Variants in DLG2 observed in about 807,000 individuals in gnomAD.
The protein encoded by DLG2 is discs large MAGUK scaffold protein 2, also known as disks large homolog 2.
DLG2 carries 45 observed loss-of-function variants against 132.5 expected under a neutral mutation model. The observed-to-expected ratio is 0.34, with a 90% CI of 0.27 to 0.44. The LOEUF (loss-of-function observed/expected upper bound fraction) is 0.44. DLG2 is among the 20% of genes least tolerant of loss of function. The probability of loss-of-function intolerance (pLI) is 1.00; values close to 1 mark genes in which losing one functional copy is unlikely to be tolerated. For synonymous variants in DLG2, 424 were observed against 419.6 expected (o/e 1.01, Z -0.13); for missense variants, 1,045 against 1,196.9 (o/e 0.87, Z 1.87).
At chr11:84,086,500 T>A (rs1264400813) in intron 10 of DLG2, among the ~76,000 whole-genome samples, 1 of 150,440 alleles carries the variant, frequency 6.6e-6, no homozygotes, top group Non-Finnish European at 1.5e-5. Context: ...TCTTTTTTTT[T>A]TTTTTTTGAG....
At chr11:83,823,933 A>T (rs1257649721) in intron 17 of DLG2, among the ~76,000 whole-genome samples, 1 of 152,160 alleles carries the variant, frequency 6.6e-6, no homozygotes, top group Non-Finnish European at 1.5e-5. Flanking sequence ...GACATAAGTA[A>T]ACTGCCAAAT....
intron 6 of DLG2, among the ~76,000 whole-genome samples, chr11:85,012,504 A>G (rs1421687931): frequency 6.6e-6 from 1 of 152,026 alleles, no homozygotes; most frequent in Non-Finnish European, 1.5e-5. Context: ...AGCCTAGGCA[A>G]TAAGAGCAAA....
chr11:84,673,203 G>T (rs2099707784), intron 6 of DLG2, among the ~76,000 whole-genome samples: 1 of 152,040 alleles, frequency 6.6e-6, no homozygotes, highest in African/African-American at 2.4e-5. Flanking sequence ...ATAATAGACA[G>T]GGAGGAAGAA....
intron 19 of DLG2, among the ~76,000 whole-genome samples, chr11:83,565,329 C>T (rs1020571441): frequency 2.6e-5 from 4 of 152,158 alleles, no homozygotes; most frequent in African/African-American, 7.2e-5. Flanking sequence ...TTCTCTTCTT[C>T]CTACTTCACT....
At chr11:84,301,334 ATC>A (rs1457061098) in intron 7 of DLG2, among the ~76,000 whole-genome samples, 1 of 152,158 alleles carries the variant, frequency 6.6e-6, no homozygotes, top group Non-Finnish European at 1.5e-5. Context: ...ATGAGATACC[ATC>A]TCATGCCAGA....
intron 6 of DLG2, among the ~76,000 whole-genome samples, chr11:84,855,011 T>C (rs1213729634): frequency 3.3e-5 from 5 of 151,974 alleles, no homozygotes; most frequent in East Asian, 1.9e-4. Flanking sequence ...CAGGAAATAA[T>C]AGTTGGTTGA....
chr11:83,809,194 T>C (rs2046656128), intron 17 of DLG2, among the ~76,000 whole-genome samples: 1 of 152,190 alleles, frequency 6.6e-6, no homozygotes, highest in South Asian at 2.1e-4. Flanking sequence ...GTCTCATAAT[T>C]AGACTTATAA....
intron 14 of DLG2, among the ~76,000 whole-genome samples, chr11:83,934,653 GAGT>G (rs2081067236): frequency 6.6e-6 from 1 of 152,098 alleles, no homozygotes; most frequent in Admixed American, 6.5e-5. Flanking sequence ...ACACTTTATT[GAGT>G]TTTCTAACTC....
At chr11:84,651,335 ATCTT>A (rs1045374624) in intron 6 of DLG2, among the ~76,000 whole-genome samples, 1 of 152,116 alleles carries the variant, frequency 6.6e-6, no homozygotes, top group African/African-American at 2.4e-5. Context: ...GTCTTAGAAA[ATCTT>A]AGCCTTTTCC....
intron 11 of DLG2, among the ~76,000 whole-genome samples, chr11:84,046,687 T>A (rs1279920487): frequency 6.6e-6 from 1 of 151,652 alleles, no homozygotes; most frequent in Admixed American, 6.6e-5. Flanking sequence ...TTGCCTAATA[T>A]CAACCTTTAT....
intron 3 of DLG2, among the ~76,000 whole-genome samples, chr11:85,396,996 A>C (rs558438130): frequency 5.9e-5 from 9 of 152,306 alleles, no homozygotes; most frequent in African/African-American, 2.2e-4. Flanking sequence ...CAAGGTTGAA[A>C]TAAAGGAAAA....
At chr11:83,603,907 T>C (rs542690522) in intron 19 of DLG2, among the ~76,000 whole-genome samples, 9 of 152,324 alleles carry the variant, frequency 5.9e-5, no homozygotes, top group African/African-American at 1.7e-4. Flanking sequence ...GTTGCAAATA[T>C]CTGTTCTCTT....
intron 13 of DLG2, among the ~76,000 whole-genome samples, chr11:83,964,715 T>G (rs1173451070): frequency 6.6e-6 from 1 of 151,952 alleles, no homozygotes; most frequent in African/African-American, 2.4e-5. Context: ...CAGTGGAAAT[T>G]TGAGGACCCC....
At chr11:84,268,832 A>T (rs2097682590) in intron 7 of DLG2, among the ~76,000 whole-genome samples, 1 of 152,144 alleles carries the variant, frequency 6.6e-6, no homozygotes, top group Non-Finnish European at 1.5e-5. Flanking sequence ...GAATTGAGAT[A>T]ATACATGTAA....
At chr11:84,185,138 T>C (rs2096248417) in intron 8 of DLG2, among the ~76,000 whole-genome samples, 2 of 152,120 alleles carry the variant, frequency 1.3e-5, no homozygotes, top group African/African-American at 4.8e-5. Flanking sequence ...GGGGATGGCA[T>C]TGAATCTATA....
chr11:84,113,840 C>T (rs929140735), intron 9 of DLG2, among the ~76,000 whole-genome samples: 1 of 152,050 alleles, frequency 6.6e-6, no homozygotes, highest in African/African-American at 2.4e-5. Context: ...TCAGATTCCA[C>T]CTTGCAGCTA....
chr11:85,274,666 C>A (rs1200481015), intron 4 of DLG2, among the ~76,000 whole-genome samples: 1 of 152,150 alleles, frequency 6.6e-6, no homozygotes, highest in African/African-American at 2.4e-5. Context: ...CAAGTCTACC[C>A]CAAATCTCTT....
chr11:83,519,700 A>G (rs1332065004), intron 21 of DLG2, among the ~76,000 whole-genome samples: 2 of 152,344 alleles, frequency 1.3e-5, no homozygotes, highest in East Asian at 1.9e-4. Flanking sequence ...ATCAAAGTCA[A>G]ATTCTTTATT....
chr11:83,883,841 C>T (rs566318476), intron 15 of DLG2, among the ~76,000 whole-genome samples: 1 of 150,476 alleles, frequency 6.6e-6, no homozygotes, highest in South Asian at 2.1e-4. Flanking sequence ...GACCATTCTT[C>T]ACAAAGAAAA....
Sources: allele counts gnomAD v4.1 joint callset (sites outside exome capture counted in the v4.1 genomes callset), GRCh38; gene constraint gnomAD v4.1.1; transcripts MANE v1.5; gene names NCBI Gene and HGNC (gene_info 2026-07-23, HGNC 2026-07-21).